The following NSUN6 variants were observed in gnomAD, a reference collection of about 807,000 sequenced individuals.
NSUN6 encodes the protein NOP2/Sun RNA methyltransferase 6.
Under a neutral mutation model 58.0 loss-of-function variants are expected in NSUN6, and 64 were observed. The observed-to-expected ratio is 1.10, with a 90% confidence interval of 0.90 to 1.36. NSUN6 has a LOEUF of 1.36. Ranked by LOEUF, NSUN6 falls within the 40% of genes most tolerant of loss-of-function variation. NSUN6 has a pLI of 0.00. For missense variants in NSUN6, 701 were observed against 550.1 expected, an observed-to-expected ratio of 1.27 and a Z score of -2.74; for synonymous variants, 231 against 193.9, an observed-to-expected ratio of 1.19 and a Z score of -1.59.
intron 3 of NSUN6, among the ~76,000 whole-genome samples, chr10:18,627,528 C>G (rs2131445162): frequency 6.6e-6 from 1 of 152,300 alleles, no homozygotes; most frequent in African/African-American, 2.4e-5. Flanking sequence ...GAGTGCCAGA[C>G]AGTGGGCGCA....
intron 8 of NSUN6, among the ~76,000 whole-genome samples, chr10:18,566,502 A>C (rs2055960978): frequency 1.4e-5 from 2 of 141,300 alleles, no homozygotes; most frequent in Non-Finnish European, 3.1e-5. Context: ...ATTCCATTCC[A>C]TTCTCCATTC....
Position 18,597,214 on chromosome 10 carries a change from C to G in NSUN6, c.658-887G>C, listed in dbSNP as rs570640222. On this transcript the variant is annotated intron_variant, in intron 6 of 10. Transcript: ENST00000377304. Reference sequence around the variant, plus strand: ...GTTATTAGTATCAATTATATAAGGACTACTTACTATAGAATGATAGCCTTG... The same window carrying G: ...GTTATTAGTATCAATTATATAAGGAGTACTTACTATAGAATGATAGCCTTG... Among the ~76,000 whole-genome samples the G allele has an allele frequency of 3.9e-5, 6 of 152,202 alleles. No individual in the cohort carries two copies. The South Asian group carries it at 8.3e-4, about 21-fold the overall frequency.
At chr10:18,610,530 C>T (rs1420077809) in intron 5 of NSUN6, among the ~76,000 whole-genome samples, 2 of 152,030 alleles carry the variant, frequency 1.3e-5, no homozygotes, top group Admixed American at 6.6e-5. Context: ...AAGCAAATAC[C>T]ACCTCATTCT....
chr10:18,641,892 G>A lies in NSUN6; in HGVS notation c.311+584C>T, dbSNP rs1343480980. Among the ~76,000 whole-genome samples the A allele has an allele frequency of 2.0e-5, 3 of 152,164 alleles. No homozygotes were observed. The East Asian group carries it at 5.8e-4, about 29-fold the overall frequency. On this transcript the variant is annotated intron_variant, in intron 3 of 10. Coordinates refer to ENST00000377304, the MANE Select transcript of NSUN6 (RefSeq NM_182543.5). ...AATACCAGCCTGGGACACATAGTGTGACTGTTTCTACAAAATAAAAAATAA... is the reference window on the plus strand; with the variant it reads ...AATACCAGCCTGGGACACATAGTGTAACTGTTTCTACAAAATAAAAAATAA...
intron 8 of NSUN6, among the ~76,000 whole-genome samples, chr10:18,571,454 A>G (rs899940573): frequency 1.4e-5 from 2 of 145,696 alleles, no homozygotes; most frequent in African/African-American, 5.1e-5. Context: ...ACCATTCTCT[A>G]TTCCATTCCA....
At chr10:18,605,855 A>G (rs999251488) in intron 6 of NSUN6, among the ~76,000 whole-genome samples, 5 of 152,238 alleles carry the variant, frequency 3.3e-5, no homozygotes, top group Non-Finnish European at 7.3e-5. Context: ...AAATACATTC[A>G]GTCTACAGAA....
At chr10:18,599,538 A>C (rs1360597341) in intron 6 of NSUN6, among the ~76,000 whole-genome samples, 1 of 152,194 alleles carries the variant, frequency 6.6e-6, no homozygotes, top group African/African-American at 2.4e-5. Context: ...CTGGAGCATC[A>C]GTGGTTTCAA....
At chr10:18,618,606 C>G (rs2058494042) in intron 3 of NSUN6, among the ~76,000 whole-genome samples, 1 of 148,234 alleles carries the variant, frequency 6.7e-6, no homozygotes, top group Admixed American at 6.9e-5. Context: ...CACTTGAACC[C>G]AGGAGGTGGA....
At chr10:18,598,668 T>C (rs1339538457) in intron 6 of NSUN6, among the ~76,000 whole-genome samples, 2 of 152,110 alleles carry the variant, frequency 1.3e-5, no homozygotes, top group East Asian at 3.9e-4. Flanking sequence ...GAGACAGGGT[T>C]CCCCCAAGTT....
intron 7 of NSUN6, among the ~76,000 whole-genome samples, chr10:18,594,741 C>T (rs1161686509): frequency 9.9e-5 from 15 of 152,222 alleles, no homozygotes; most frequent in African/African-American, 3.6e-4. Context: ...TGCATTGCTG[C>T]CCCACTGTGG....
chr10:18,568,924 C>T (rs111217727), intron 8 of NSUN6, among the ~76,000 whole-genome samples: 1 of 150,794 alleles, frequency 6.6e-6, no homozygotes, highest in Admixed American at 6.6e-5. Flanking sequence ...CCATTCCATT[C>T]TCCATTTGGT....
intron 3 of NSUN6, among the ~76,000 whole-genome samples, chr10:18,627,859 T>C (rs1338716210): frequency 6.6e-6 from 1 of 152,244 alleles, no homozygotes; most frequent in African/African-American, 2.4e-5. Flanking sequence ...CCAGGCTTGC[T>C]TAGGCAAACA....
chr10:18,625,715 T>TC, intron 3 of NSUN6, among the ~76,000 whole-genome samples: 1 of 115,460 alleles, frequency 8.7e-6, no homozygotes, highest in South Asian at 3.0e-4. Flanking sequence ...TATGTGTTTT[T>TC]TTTTTAAAAA....
chr10:18,634,141 G>C (rs544900885), intron 3 of NSUN6, among the ~76,000 whole-genome samples: 2 of 152,228 alleles, frequency 1.3e-5, no homozygotes, highest in South Asian at 4.1e-4. Flanking sequence ...AAAAGCAGAA[G>C]GCAGATTTTA....
chr10:18,642,599 T>C, intron 2 of NSUN6, 44 bp from the exon 3 acceptor site: 1 of 937,632 alleles, frequency 1.1e-6, no homozygotes, highest in Non-Finnish European at 1.7e-6. Context: ...ATACATTTGA[T>C]ACATTTCAAC....
chr10:18,595,514 T>C (rs1215059042), intron 7 of NSUN6, among the ~76,000 whole-genome samples: 1 of 152,216 alleles, frequency 6.6e-6, no homozygotes, highest in Non-Finnish European at 1.5e-5. Flanking sequence ...CAACCCTTCT[T>C]ATTTCAGGTG....
intron 8 of NSUN6, among the ~76,000 whole-genome samples, chr10:18,582,490 A>G (rs1360638885): frequency 3.3e-5 from 5 of 152,160 alleles, no homozygotes; most frequent in African/African-American, 1.2e-4. Flanking sequence ...AAGACCGGAG[A>G]AGTTTATGAG....
At chr10:18,625,050 T>C (rs1332856487) in intron 3 of NSUN6, among the ~76,000 whole-genome samples, 2 of 152,206 alleles carry the variant, frequency 1.3e-5, no homozygotes, top group African/African-American at 4.8e-5. Flanking sequence ...CTATTTTACA[T>C]GTCACAATTA....
chr10:18,556,172 G>A (rs1353605936), intron 8 of NSUN6, among the ~76,000 whole-genome samples: 4 of 151,224 alleles, frequency 2.6e-5, no homozygotes, highest in Non-Finnish European at 4.4e-5. Context: ...GGAATGGAAT[G>A]GAATGCAGAG....
Sources: allele counts gnomAD v4.1 joint callset (sites outside exome capture counted in the v4.1 genomes callset), GRCh38; gene constraint gnomAD v4.1.1; transcripts MANE v1.5; gene names NCBI Gene and HGNC (gene_info 2026-07-23, HGNC 2026-07-21).